Variants in EHMT1 observed in about 807,000 individuals in gnomAD.
The protein encoded by EHMT1 is euchromatic histone lysine methyltransferase 1.
EHMT1 carries 15 observed loss-of-function variants against 147.2 expected under a neutral mutation model. The observed-to-expected ratio is 0.10, with a 90% CI of 0.07 to 0.16. The LOEUF (loss-of-function observed/expected upper bound fraction) is 0.16. EHMT1 is among the 10% of genes least tolerant of loss of function. The pLI is 1.00. For missense variants in EHMT1, 1,587 were observed against 1,772.4 expected (o/e 0.90, Z 1.88); for synonymous variants, 795 against 709.6 (o/e 1.12, Z -1.91).
At chr9:137,627,317 C>T (rs1416814140) in intron 1 of EHMT1, among the ~76,000 whole-genome samples, 2 of 146,828 alleles carry the variant, frequency 1.4e-5, no homozygotes. Flanking sequence ...CGCTGGAGTG[C>T]AATGGCGTGA....
chr9:137,670,707 C>T (rs761646795), intron 1 of EHMT1, among the ~76,000 whole-genome samples: 12 of 152,340 alleles, frequency 7.9e-5, no homozygotes, highest in Non-Finnish European at 1.5e-4. Flanking sequence ...GGCCCTGCCC[C>T]TCCTGGCTCC....
intron 7 of EHMT1, among the ~76,000 whole-genome samples, chr9:137,753,454 A>G (rs1949135991): frequency 6.6e-6 from 1 of 152,220 alleles, no homozygotes; most frequent in South Asian, 2.1e-4. Flanking sequence ...TGTGTGCTGC[A>G]GACAGGGCTC....
At chr9:137,793,946 AGTG>A (rs1348218855) in intron 16 of EHMT1, among the ~76,000 whole-genome samples, 1 of 152,228 alleles carries the variant, frequency 6.6e-6, no homozygotes, top group African/African-American at 2.4e-5. Context: ...TTTTGGAAAT[AGTG>A]GTGATTGTGA....
intron 1 of EHMT1, among the ~76,000 whole-genome samples, chr9:137,704,489 TAAG>T (rs1206230299): frequency 2.0e-5 from 3 of 152,208 alleles, no homozygotes; most frequent in African/African-American, 7.2e-5. Context: ...TAATGGTATT[TAAG>T]AAGAATAGAG....
chr9:137,641,248 A>T, intron 1 of EHMT1: 1 of 428,964 alleles, frequency 2.3e-6, no homozygotes, highest in Admixed American at 2.8e-5. Context: ...TCTGCATTTG[A>T]CTTGAAGAGT....
chr9:137,768,772 G>T (rs954089755), intron 10 of EHMT1, among the ~76,000 whole-genome samples: 2 of 151,286 alleles, frequency 1.3e-5, no homozygotes, highest in African/African-American at 4.8e-5. Flanking sequence ...GGATGGTCTC[G>T]ATCTCCTGAC....
Position 137,716,773 on chromosome 9 carries a change from G to C in EHMT1, c.233G>C (p.Arg78Thr). The change falls in exon 3 of 27, where the codon AGG becomes ACG. Residue 78 changes from arginine (R) to threonine (T), a missense_variant. By Grantham distance (71) the Arg-to-Thr change is moderately conservative. Around this residue, in one of 7 missense-constraint regions of EHMT1, gnomAD observed 810 missense variants for 673.0 expected, o/e 1.20. Coordinates refer to ENST00000460843, the MANE Select transcript of EHMT1 (RefSeq NM_024757.5). Reference sequence around the variant, plus strand: ...GCAAAGCACACTCAGGACAGCGCAAGGGTCAACCCCCAGGATGGCACCAAC... The same window carrying C: ...GCAAAGCACACTCAGGACAGCGCAACGGTCAACCCCCAGGATGGCACCAAC... Reference protein sequence around the residue: ...NAAKHTQDSARVNPQDGTNTL... With the variant: ...NAAKHTQDSATVNPQDGTNTL... 3.7e-6 allele frequency: 6 copies of C among 1,613,042 alleles called. No individual in the cohort carries two copies. The highest frequency in any genetic ancestry group is 1.1e-5 in the South Asian group (1 of 91,088).
chr9:137,809,235 T>C (rs1954207195), intron 18 of EHMT1, among the ~76,000 whole-genome samples: 1 of 152,154 alleles, frequency 6.6e-6, no homozygotes, highest in Non-Finnish European at 1.5e-5. Flanking sequence ...GCCACTCGGT[T>C]TCTGTTCTGC....
chr9:137,834,541 C>G lies in EHMT1; in HGVS notation c.3716+17C>G. On this transcript the variant is annotated intron_variant, in intron 26 of 26. Transcript: ENST00000460843. ...GCAGCTCGGGTACGCACCGCCCCGGCCCCTGGCCATCTCCGCTGCCGGCGG... is the reference window on the plus strand; with the variant it reads ...GCAGCTCGGGTACGCACCGCCCCGGGCCCTGGCCATCTCCGCTGCCGGCGG... The G allele has an allele frequency of 6.2e-7, 1 of 1,608,786 alleles. No individual in the cohort carries two copies. The highest frequency in any genetic ancestry group is 1.3e-5 in the African/African-American group (1 of 75,042).
At chr9:137,663,503 TAAAC>T (rs1205110751) in intron 1 of EHMT1, among the ~76,000 whole-genome samples, 1 of 152,192 alleles carries the variant, frequency 6.6e-6, no homozygotes, top group Admixed American at 6.5e-5. Context: ...AAAAGAAACA[TAAAC>T]TAAATAGTAA....
chr9:137,742,896 T>TGGCCC (rs1338478243), intron 4 of EHMT1: 8 of 238,054 alleles, frequency 3.4e-5, no homozygotes, highest in African/African-American at 1.9e-4. Context: ...TGGCCTGGCC[T>TGGCCC]GGCCCCTGTG....
At chr9:137,630,110 A>T (rs1477144688) in intron 1 of EHMT1, among the ~76,000 whole-genome samples, 1 of 152,198 alleles carries the variant, frequency 6.6e-6, no homozygotes, top group Non-Finnish European at 1.5e-5. Flanking sequence ...TTCATTCTGG[A>T]AAAGCTTGTG....
At chr9:137,722,162 T>C (rs1409203593) in intron 3 of EHMT1, among the ~76,000 whole-genome samples, 1 of 152,206 alleles carries the variant, frequency 6.6e-6, no homozygotes, top group Non-Finnish European at 1.5e-5. Flanking sequence ...AAGTTATGCT[T>C]TTATTACAGT....
chr9:137,754,432 T>C (rs1949219840), intron 8 of EHMT1, 141 bp downstream of exon 8: 21 of 1,265,514 alleles, frequency 1.7e-5, no homozygotes, highest in East Asian at 2.5e-5. Flanking sequence ...GAAATGACTT[T>C]GTTAGAGAAA....
rs749543679 is a variant in EHMT1, at chr9:137,782,409, C to T, written c.2382+12C>T. On this transcript the variant is annotated intron_variant, in intron 15 of 26. Transcript: ENST00000460843. The surrounding 1 kb of genome is among the most constrained non-coding windows in gnomAD (Gnocchi z 5.7). ...ACATGCTGGTTCAGGTGCGGCGGCA[C>T]GGCGCCCTCCTAGGGCTCTTCACCT... is the stretch of plus-strand genomic sequence containing the variant. 15 of 1,599,962 alleles carry T rather than the reference C, an allele frequency of 9.4e-6. No homozygotes were observed. Among genetic ancestry groups the T allele is most frequent in the South Asian group, 1.1e-5 (1 of 90,094 alleles).
At chr9:137,817,881 C>T (rs1955053072) in intron 24 of EHMT1, 179 bp from the exon 25 acceptor site, 1 of 675,442 alleles carries the variant, frequency 1.5e-6, no homozygotes, top group South Asian at 1.7e-5. Flanking sequence ...TTATCATCAT[C>T]CTCCGGACCC....
At chr9:137,757,838 C>T (rs1370974320) in intron 8 of EHMT1, 42 bp from the exon 9 acceptor site, 2 of 1,611,958 alleles carry the variant, frequency 1.2e-6, no homozygotes, top group South Asian at 1.1e-5. Context: ...GGTGCGGCCG[C>T]CTGGGTGCGT....
chr9:137,812,341 A>T (rs1017927353), intron 19 of EHMT1, among the ~76,000 whole-genome samples: 22 of 151,184 alleles, frequency 1.5e-4, no homozygotes, highest in Non-Finnish European at 1.6e-4. Flanking sequence ...TCTGTCTCAA[A>T]AAAAACCCAA....
chr9:137,633,699 C>T (rs1283238464), intron 1 of EHMT1, among the ~76,000 whole-genome samples: 1 of 152,038 alleles, frequency 6.6e-6, no homozygotes, highest in Non-Finnish European at 1.5e-5. Context: ...CATTCCGTCA[C>T]CCCAAAAAGA....
Sources: allele counts gnomAD v4.1 joint callset (sites outside exome capture counted in the v4.1 genomes callset), GRCh38; gene constraint gnomAD v4.1.1; regional missense constraint gnomAD v4.1.1; non-coding constraint Gnocchi (gnomAD v3.1); transcripts MANE v1.5; gene names NCBI Gene and HGNC (gene_info 2026-07-23, HGNC 2026-07-21).